The following PAFAH1B2 variants were observed in gnomAD, a reference collection of about 807,000 sequenced individuals.
PAFAH1B2 encodes platelet-activating factor acetylhydrolase IB subunit alpha2.
A neutral mutation model predicts 28.0 loss-of-function variants in PAFAH1B2; 8 were observed. That is an observed-to-expected ratio of 0.29 (90% confidence interval 0.17 to 0.52). The LOEUF (loss-of-function observed/expected upper bound fraction) is 0.52. Ranked by LOEUF, PAFAH1B2 falls within the 20% of genes least tolerant of loss-of-function variation. PAFAH1B2 has a pLI of 0.97. For missense variants in PAFAH1B2, 190 were observed against 282.6 expected (o/e 0.67, Z 2.35); for synonymous variants, 104 against 103.2 (o/e 1.01, Z -0.05).
At chr11:117,152,340 TA>T in intron 1 of PAFAH1B2, 100 bp from the exon 2 acceptor site, 2 of 699,656 alleles carry the variant, frequency 2.9e-6, no homozygotes, top group South Asian at 1.7e-5. Context: ...GCAAACCACA[TA>T]AAACTTTAAT....
chr11:117,158,222 C>T (rs139578756), intron 2 of PAFAH1B2, among the ~76,000 whole-genome samples: 55 of 152,046 alleles, frequency 3.6e-4, no homozygotes, highest in African/African-American at 1.1e-3. Context: ...TTCTTTTCTT[C>T]ATAGTGAAGG....
chr11:117,159,627 C>T (rs1349644653), intron 2 of PAFAH1B2: 1 of 270,058 alleles, frequency 3.7e-6, no homozygotes, highest in Non-Finnish European at 7.1e-6. Context: ...CCCAGCTATT[C>T]AGGTGACTGA....
At chr11:117,150,523 A>G (rs573568846) in intron 1 of PAFAH1B2, among the ~76,000 whole-genome samples, 2 of 151,920 alleles carry the variant, frequency 1.3e-5, no homozygotes, top group Admixed American at 6.6e-5. Flanking sequence ...ATTTGTTTGC[A>G]TAATTAGTGT....
At chr11:117,167,073 G>T (rs1434299878) in intron 5 of PAFAH1B2, among the ~76,000 whole-genome samples, 1 of 152,132 alleles carries the variant, frequency 6.6e-6, no homozygotes, top group Non-Finnish European at 1.5e-5. Context: ...ATTGCTTTTG[G>T]ATCAGTTGGG....
At position 117,170,347 on chromosome 11, in the gene PAFAH1B2, C is replaced by T. The variant is rs1309776062; in HGVS notation, c.*2648C>T. ...TTTGTATTCCTTCGCCCACGCATTCCTGCTATACTAGATGGCAGCCAGTGA... is the reference window on the plus strand; with the variant it reads ...TTTGTATTCCTTCGCCCACGCATTCTTGCTATACTAGATGGCAGCCAGTGA... On this transcript the variant is annotated 3_prime_UTR_variant, in exon 6 of 6. Transcript: ENST00000527958. 45 of 1,060,744 alleles carry T rather than the reference C, an allele frequency of 4.2e-5. No homozygotes were observed. The highest frequency in any genetic ancestry group is 1.0e-4 in the East Asian group (2 of 19,816). 65.7% of individuals were successfully genotyped at this position (1,060,744 alleles called of 1,614,324 possible).
chr11:117,172,763 G>A (rs1044830153), downstream of PAFAH1B2, among the ~76,000 whole-genome samples: 1 of 152,122 alleles, frequency 6.6e-6, no homozygotes, highest in African/African-American at 2.4e-5. Context: ...GAGTGCAGTG[G>A]TGCAATCTTG....
intron 4 of PAFAH1B2, among the ~76,000 whole-genome samples, chr11:117,161,864 C>T (rs1416733743): frequency 3.9e-5 from 6 of 151,912 alleles, no homozygotes; most frequent in East Asian, 3.9e-4. Context: ...GCATAGATCT[C>T]GGGCAGTATG....
Position 117,170,430 on chromosome 11 carries a change from G to A in PAFAH1B2, c.*2731G>A. 1 of 1,059,344 alleles carries A rather than the reference G, an allele frequency of 9.4e-7. No homozygotes were observed. 65.6% of individuals were successfully genotyped at this position (1,059,344 alleles called of 1,614,324 possible). A position where few individuals can be genotyped will look rare whatever the true frequency, so the allele number is the denominator to read the frequency against. ...GAATGTGGCAGCTTGAAGATGTACT[G>A]CCACGGGTGATCTAGGGCAGGCTGT... is the stretch of plus-strand genomic sequence containing the variant. On this transcript the variant is annotated 3_prime_UTR_variant, in exon 6 of 6. Transcript: ENST00000527958.
chr11:117,159,719 AGCCAGAC>A (rs1956328087), intron 2 of PAFAH1B2: 2 of 483,688 alleles, frequency 4.1e-6, no homozygotes, highest in African/African-American at 3.9e-5. Flanking sequence ...TGGGTGAGAG[AGCCAGAC>A]GCTGTCTTAG....
chr11:117,150,460 T>TG (rs1956124522), intron 1 of PAFAH1B2, among the ~76,000 whole-genome samples: 1 of 130,076 alleles, frequency 7.7e-6, no homozygotes, highest in African/African-American at 3.9e-5. Context: ...GATGATGTTG[T>TG]TTTTTTTTTT....
At chr11:117,155,641 C>T in intron 2 of PAFAH1B2, among the ~76,000 whole-genome samples, 1 of 151,946 alleles carries the variant, frequency 6.6e-6, no homozygotes, top group Non-Finnish European at 1.5e-5. Flanking sequence ...GTCCAAAATC[C>T]ATAAAAATAC....
downstream of PAFAH1B2, chr11:117,171,554 C>T (rs941165735): frequency 1.9e-5 from 11 of 566,250 alleles, no homozygotes; most frequent in Middle Eastern, 3.0e-4. Flanking sequence ...AAAAAAAATA[C>T]AGTGTTACTA....
chr11:117,163,865 G>A lies in PAFAH1B2; in HGVS notation c.384G>A (p.Arg128=). The change falls in exon 5 of 6, where the codon AGG becomes AGA. Residue 128 remains arginine, a synonymous_variant. Coordinates refer to ENST00000527958, the MANE Select transcript of PAFAH1B2 (RefSeq NM_002572.4). The part of the protein sequence containing the change: ...IEAIVQLINT[R]QPQAKIIVLG... ...CCATTGTACAACTTATCAACACAAGGCAGCCACAGGCCAAAATCATTGTAT... is the reference window on the plus strand; with the variant it reads ...CCATTGTACAACTTATCAACACAAGACAGCCACAGGCCAAAATCATTGTAT... The A allele has an allele frequency of 1.2e-6, 2 of 1,614,006 alleles. No individual in the cohort carries two copies. Among genetic ancestry groups the A allele is most frequent in the Non-Finnish European group, 1.7e-6 (2 of 1,179,920 alleles).
At chr11:117,161,633 C>T (rs539705049) in intron 4 of PAFAH1B2, among the ~76,000 whole-genome samples, 3 of 151,894 alleles carry the variant, frequency 2.0e-5, no homozygotes, top group South Asian at 4.2e-4. Context: ...CTCAGCCTCC[C>T]GAGTAGCTGG....
intron 4 of PAFAH1B2, among the ~76,000 whole-genome samples, chr11:117,163,361 C>T (rs1336193721): frequency 6.6e-6 from 1 of 152,144 alleles, no homozygotes; most frequent in Non-Finnish European, 1.5e-5. Flanking sequence ...GTTTATCTTT[C>T]CTTCTTTGCT....
chr11:117,147,521 A>G (rs1956042498), intron 1 of PAFAH1B2, among the ~76,000 whole-genome samples: 5 of 152,114 alleles, frequency 3.3e-5, no homozygotes, highest in African/African-American at 7.2e-5. Context: ...TGATTTCCAA[A>G]TTGTTTTAAT....
chr11:117,171,162 C>T (rs188308547), downstream of PAFAH1B2: 9 of 680,440 alleles, frequency 1.3e-5, no homozygotes, highest in African/African-American at 1.9e-5. Flanking sequence ...TGCTTCTTTA[C>T]TGTGGAACTG....
In PAFAH1B2 at chr11:117,159,997, A is replaced by G. The variant is rs1565268175; in HGVS notation, c.145A>G (p.Met49Val). ...TGATGTACTGTTCGTGGGAGACTCC[A>G]TGGTGCAGTTAATGCAGCAATATGA... ...EPDVLFVGDSMVQLMQQYEIW... is the reference protein window; with the variant it reads ...EPDVLFVGDSVVQLMQQYEIW... Residue 49 changes from methionine to valine, a missense_variant, in exon 3 of 6, where the codon ATG (methionine) becomes GTG (valine). By Grantham distance (21) the Met-to-Val change is conservative (BLOSUM62 1). Coordinates refer to ENST00000527958, the MANE Select transcript of PAFAH1B2 (RefSeq NM_002572.4). 1 of 1,613,428 alleles carries G rather than the reference A, an allele frequency of 6.2e-7. No homozygotes were observed. The highest frequency in any genetic ancestry group is 1.3e-5 in the African/African-American group (1 of 74,912).
intron 2 of PAFAH1B2, among the ~76,000 whole-genome samples, chr11:117,156,807 G>C (rs1374700448): frequency 2.6e-5 from 4 of 152,058 alleles, no homozygotes; most frequent in African/African-American, 7.2e-5. Flanking sequence ...TGGATCGCTT[G>C]AGTTCCAGAC....
Sources: allele counts gnomAD v4.1 joint callset (sites outside exome capture counted in the v4.1 genomes callset), GRCh38; gene constraint gnomAD v4.1.1; transcripts MANE v1.5; gene names NCBI Gene and HGNC (gene_info 2026-07-23, HGNC 2026-07-21).